LRFN5: variants seen among roughly 807,000 people sequenced by gnomAD.
LRFN5 encodes leucine rich repeat and fibronectin type III domain containing 5.
Under a neutral mutation model 45.6 loss-of-function variants are expected in LRFN5, and 24 were observed. That is an observed-to-expected ratio of 0.53 (90% CI 0.38 to 0.74). The LOEUF (loss-of-function observed/expected upper bound fraction) is 0.74, where lower values mean the gene tolerates loss of function less well. Ranked by LOEUF, LRFN5 falls within the 30% of genes least tolerant of loss-of-function variation. The pLI, the probability that LRFN5 is intolerant of heterozygous loss-of-function variation, is 0.00. For missense variants in LRFN5, 776 were observed against 861.5 expected, an observed-to-expected ratio of 0.90 and a Z score of 1.24; for synonymous variants, 340 against 313.8, an observed-to-expected ratio of 1.08 and a Z score of -0.88.
At chr14:41,850,037 G>T (rs1482842886) in intron 2 of LRFN5, among the ~76,000 whole-genome samples, 2 of 151,762 alleles carry the variant, frequency 1.3e-5, no homozygotes, top group African/African-American at 4.8e-5. Flanking sequence ...CTTAGGTTTT[G>T]GTCTTCACCT....
intron 1 of LRFN5, among the ~76,000 whole-genome samples, chr14:41,756,621 G>C (rs1472427751): frequency 6.6e-6 from 1 of 152,100 alleles, no homozygotes; most frequent in Non-Finnish European, 1.5e-5. Context: ...GTCCTTTAAG[G>C]ACTTCTCTGC....
At chr14:41,730,744 T>C (rs1448579021) in intron 1 of LRFN5, among the ~76,000 whole-genome samples, 1 of 151,850 alleles carries the variant, frequency 6.6e-6, no homozygotes, top group Non-Finnish European at 1.5e-5. Context: ...ATATGTCTAA[T>C]AGAATATATA....
chr14:41,740,568 C>T (rs561228215), intron 1 of LRFN5, among the ~76,000 whole-genome samples: 2 of 151,842 alleles, frequency 1.3e-5, no homozygotes, highest in Non-Finnish European at 2.9e-5. Flanking sequence ...TAATAAAATA[C>T]ATATATTACA....
At chr14:41,723,117 G>C (rs923644774) in intron 1 of LRFN5, among the ~76,000 whole-genome samples, 3 of 152,182 alleles carry the variant, frequency 2.0e-5, no homozygotes, top group African/African-American at 7.2e-5. Context: ...GAAGACCCCA[G>C]TGCAGCACGA....
intron 1 of LRFN5, among the ~76,000 whole-genome samples, chr14:41,726,170 G>T (rs1337723163): frequency 2.0e-5 from 3 of 152,108 alleles, no homozygotes; most frequent in Admixed American, 6.6e-5. Context: ...GAGCTCAAAA[G>T]TATGATACAT....
chr14:41,796,231 C>A (rs910992165), intron 2 of LRFN5, among the ~76,000 whole-genome samples: 23 of 151,846 alleles, frequency 1.5e-4, no homozygotes, highest in African/African-American at 5.1e-4. Flanking sequence ...TTAAAAACAT[C>A]ATTTTGCTTA....
At chr14:41,757,521 T>A (rs1480253568) in intron 1 of LRFN5, among the ~76,000 whole-genome samples, 1 of 152,170 alleles carries the variant, frequency 6.6e-6, no homozygotes, top group Non-Finnish European at 1.5e-5. Flanking sequence ...GTGCTAGCAA[T>A]GAGTGAGGCT....
chr14:41,801,980 C>A (rs538646224), intron 2 of LRFN5, among the ~76,000 whole-genome samples: 17 of 152,128 alleles, frequency 1.1e-4, no homozygotes, highest in African/African-American at 4.1e-4. Flanking sequence ...TTCCCAGAAT[C>A]TGGAAATTGA....
intron 1 of LRFN5, among the ~76,000 whole-genome samples, chr14:41,718,418 C>T (rs1883578203): frequency 3.9e-5 from 6 of 152,154 alleles, no homozygotes; most frequent in Admixed American, 3.9e-4. Flanking sequence ...ATTTGTTTGA[C>T]ATGGATTAAA....
chr14:41,844,956 T>C (rs1889009268), intron 2 of LRFN5, among the ~76,000 whole-genome samples: 1 of 152,156 alleles, frequency 6.6e-6, no homozygotes, highest in South Asian at 2.1e-4. Flanking sequence ...AATGTAAAAT[T>C]AAAAGATTTT....
At chr14:41,730,395 C>T (rs1884119635) in intron 1 of LRFN5, among the ~76,000 whole-genome samples, 1 of 151,986 alleles carries the variant, frequency 6.6e-6, no homozygotes, top group Admixed American at 6.6e-5. Context: ...TGCTAAATTT[C>T]GAACACTTTA....
intron 1 of LRFN5, among the ~76,000 whole-genome samples, chr14:41,729,408 C>T (rs1006466382): frequency 1.3e-5 from 2 of 152,104 alleles, no homozygotes; most frequent in African/African-American, 2.4e-5. Flanking sequence ...GATGCCAGCA[C>T]CACACTACCC....
intron 1 of LRFN5, among the ~76,000 whole-genome samples, chr14:41,726,188 G>A (rs1478718023): frequency 6.6e-6 from 1 of 152,042 alleles, no homozygotes; most frequent in Non-Finnish European, 1.5e-5. Context: ...CATAGTCTTT[G>A]TTCCTTCAAT....
intron 2 of LRFN5, among the ~76,000 whole-genome samples, chr14:41,833,420 A>G (rs941862624): frequency 2.0e-5 from 3 of 152,140 alleles, no homozygotes; most frequent in African/African-American, 7.2e-5. Flanking sequence ...CAATTTTCCA[A>G]TTATATTATT....
intron 4 of LRFN5, 51 bp from the exon 5 acceptor site, chr14:41,898,866 A>G: frequency 1.3e-6 from 2 of 1,527,010 alleles, no homozygotes; most frequent in East Asian, 2.3e-5. Flanking sequence ...TTTTGAATCT[A>G]TTTCTTTTAA....
intron 2 of LRFN5, among the ~76,000 whole-genome samples, chr14:41,821,019 T>C (rs927611654): frequency 4.6e-5 from 7 of 152,060 alleles, no homozygotes; most frequent in Non-Finnish European, 1.0e-4. Flanking sequence ...GAGAAGAATC[T>C]TCAGGGTTTT....
At chr14:41,813,619 TCCTTG>T (rs1356654499) in intron 2 of LRFN5, among the ~76,000 whole-genome samples, 1 of 152,186 alleles carries the variant, frequency 6.6e-6, no homozygotes, top group Non-Finnish European at 1.5e-5. Context: ...TGGTTCCAAG[TCCTTG>T]CTATTGTGAA....
chr14:41,711,734 C>A (rs1883292393), intron 1 of LRFN5, among the ~76,000 whole-genome samples: 1 of 152,046 alleles, frequency 6.6e-6, no homozygotes, highest in Non-Finnish European at 1.5e-5. Flanking sequence ...AATGTAAAAT[C>A]ACAGGAATAC....
intron 2 of LRFN5, among the ~76,000 whole-genome samples, chr14:41,782,371 ACT>A (rs963494465): frequency 6.6e-6 from 1 of 151,132 alleles, no homozygotes; most frequent in African/African-American, 2.4e-5. Flanking sequence ...TTTAATTTTT[ACT>A]CTTTCTTTTG....
Sources: gnomAD v4.1 joint callset for allele counts (sites outside exome capture counted in the v4.1 genomes callset) on GRCh38, gnomAD v4.1.1 for gene constraint, MANE v1.5 for transcripts, NCBI Gene and HGNC (gene_info 2026-07-23, HGNC 2026-07-21) for gene names.